Variants in SPATA16 observed in about 807,000 individuals in gnomAD.
SPATA16 encodes spermatogenesis associated 16, also known as spermatogenesis-associated protein 16.
SPATA16 carries 36 observed loss-of-function variants against 63.3 expected under a neutral mutation model. The observed-to-expected ratio is 0.57, with a 90% CI of 0.44 to 0.75. SPATA16 has a LOEUF of 0.75. Among genes scored for constraint, SPATA16 ranks in the 30% least tolerant of loss-of-function variants. SPATA16 has a pLI of 0.00. For missense variants in SPATA16, 646 were observed against 679.3 expected, an observed-to-expected ratio of 0.95 and a Z score of 0.54; for synonymous variants, 203 against 216.7, an observed-to-expected ratio of 0.94 and a Z score of 0.56.
intron 6 of SPATA16, among the ~76,000 whole-genome samples, chr3:172,939,564 A>C (rs565250502): frequency 1.1e-4 from 17 of 152,370 alleles, no homozygotes; most frequent in Non-Finnish European, 2.1e-4. Flanking sequence ...ACACGGAAGC[A>C]TCATGCACTA....
intron 4 of SPATA16, among the ~76,000 whole-genome samples, chr3:173,005,678 A>T (rs891153176): frequency 6.6e-6 from 1 of 152,254 alleles, no homozygotes; most frequent in Non-Finnish European, 1.5e-5. Flanking sequence ...CATGATTAAC[A>T]TCAATGCAGG....
At chr3:172,996,837 T>C (rs1734703443) in intron 4 of SPATA16, among the ~76,000 whole-genome samples, 2 of 152,172 alleles carry the variant, frequency 1.3e-5, no homozygotes, top group South Asian at 4.1e-4. Flanking sequence ...CAACCAGTGA[T>C]CTTTTTACAT....
chr3:173,037,297 CT>C (rs1299906713), intron 3 of SPATA16, among the ~76,000 whole-genome samples: 1 of 151,978 alleles, frequency 6.6e-6, no homozygotes, highest in Non-Finnish European at 1.5e-5. Context: ...ACATTATTTT[CT>C]TTCCACAAAA....
At chr3:173,111,103 T>A (rs1264929284) in intron 2 of SPATA16, among the ~76,000 whole-genome samples, 1 of 152,236 alleles carries the variant, frequency 6.6e-6, no homozygotes, top group Non-Finnish European at 1.5e-5. Flanking sequence ...TGCCACAGAC[T>A]AGCCATGACA....
chr3:172,960,776 A>T (rs547238282), intron 5 of SPATA16, among the ~76,000 whole-genome samples: 1 of 152,170 alleles, frequency 6.6e-6, no homozygotes, highest in African/African-American at 2.4e-5. Context: ...TTCTTGGTAA[A>T]ATTTTAAGAG....
intron 5 of SPATA16, among the ~76,000 whole-genome samples, chr3:172,965,639 TA>T (rs199765355): frequency 1.8e-4 from 28 of 151,588 alleles, no homozygotes; most frequent in South Asian, 8.4e-4. Context: ...TATTATTTAT[TA>T]TTTTTTTTTT....
intron 1 of SPATA16, among the ~76,000 whole-genome samples, chr3:173,129,577 T>C (rs191046985): frequency 6.6e-6 from 1 of 151,278 alleles, no homozygotes; most frequent in East Asian, 1.9e-4. Context: ...CACTGTATTA[T>C]ATATATACTT....
At chr3:172,990,528 T>C (rs73880404) in intron 4 of SPATA16, among the ~76,000 whole-genome samples, 13 of 152,222 alleles carry the variant, frequency 8.5e-5, no homozygotes, top group Non-Finnish European at 1.0e-4. Context: ...TAGGGGAGGA[T>C]AGCAATGGTC....
At chr3:173,027,736 C>CTCTCTT (rs1358327446) in intron 3 of SPATA16, among the ~76,000 whole-genome samples, 1 of 151,814 alleles carries the variant, frequency 6.6e-6, no homozygotes, top group Non-Finnish European at 1.5e-5. Flanking sequence ...AGGTTTCTAT[C>CTCTCTT]TCTCTTTATC....
At chr3:173,021,722 TTTTATTTATTTATTTATTTATTTA>T (rs76258278) in intron 3 of SPATA16, among the ~76,000 whole-genome samples, 3 of 139,656 alleles carry the variant, frequency 2.1e-5, no homozygotes, top group African/African-American at 5.2e-5. Context: ...CCCTATTACT[TTTTATTTATTTATTTATTTATTTA>T]TTTATTTATT....
chr3:172,966,468 A>G (rs1325621612), intron 5 of SPATA16, among the ~76,000 whole-genome samples: 1 of 152,136 alleles, frequency 6.6e-6, no homozygotes, highest in Non-Finnish European at 1.5e-5. Context: ...GCTGCACTAT[A>G]TATATATAAT....
At chr3:172,891,360 T>C (rs1252770495) in intron 10 of SPATA16, among the ~76,000 whole-genome samples, 2 of 152,202 alleles carry the variant, frequency 1.3e-5, no homozygotes, top group Non-Finnish European at 2.9e-5. Context: ...CATTTTATTT[T>C]AAAAAGACAA....
chr3:173,122,297 T>G (rs186737334), intron 1 of SPATA16, among the ~76,000 whole-genome samples: 2 of 152,308 alleles, frequency 1.3e-5, no homozygotes, highest in Admixed American at 1.3e-4. Context: ...TGTTTTTTTC[T>G]TCAAGTATTT....
At chr3:172,955,198 G>A (rs966196152) in intron 6 of SPATA16, among the ~76,000 whole-genome samples, 2 of 152,144 alleles carry the variant, frequency 1.3e-5, no homozygotes, top group South Asian at 2.1e-4. Flanking sequence ...TGACTGCTCT[G>A]TGAAATGGGT....
At chr3:173,093,508 A>G (rs1737274760) in intron 2 of SPATA16, among the ~76,000 whole-genome samples, 1 of 152,122 alleles carries the variant, frequency 6.6e-6, no homozygotes, top group Non-Finnish European at 1.5e-5. Flanking sequence ...AATGCCTGGC[A>G]CAGAAGAGGC....
chr3:172,996,435 C>G (rs1221507409), intron 4 of SPATA16, among the ~76,000 whole-genome samples: 3 of 151,996 alleles, frequency 2.0e-5, no homozygotes, highest in Non-Finnish European at 4.4e-5. Flanking sequence ...TTGGCATCTA[C>G]TAGTGGATGT....
chr3:172,985,339 G>T (rs750885486), intron 4 of SPATA16, among the ~76,000 whole-genome samples: 69 of 152,028 alleles, frequency 4.5e-4, no homozygotes, highest in Admixed American at 2.3e-3. Context: ...TTTTATTTTT[G>T]ATTTCTTTTT....
chr3:173,083,298 T>C (rs1736967186), intron 2 of SPATA16, among the ~76,000 whole-genome samples: 1 of 152,142 alleles, frequency 6.6e-6, no homozygotes, highest in Non-Finnish European at 1.5e-5. Flanking sequence ...CTTAACAACA[T>C]TTCTAAGACA....
chr3:173,002,692 T>C (rs1734852727), intron 4 of SPATA16, among the ~76,000 whole-genome samples: 1 of 152,206 alleles, frequency 6.6e-6, no homozygotes, highest in South Asian at 2.1e-4. Flanking sequence ...AATTATCTTA[T>C]ACAGCATAGT....
Sources: allele counts gnomAD v4.1 joint callset (sites outside exome capture counted in the v4.1 genomes callset), GRCh38; gene constraint gnomAD v4.1.1; transcripts MANE v1.5; gene names NCBI Gene and HGNC (gene_info 2026-07-23, HGNC 2026-07-21).